TUT7: variants seen among roughly 807,000 people sequenced by gnomAD.
The protein encoded by TUT7 is terminal uridylyl transferase 7.
In TUT7, 33 loss-of-function variants were observed where a neutral mutation model predicts 165.9. The observed-to-expected ratio is 0.20, with a 90% confidence interval of 0.15 to 0.27. The LOEUF is 0.27. Among genes scored for constraint, TUT7 ranks in the 10% least tolerant of loss-of-function variants. The probability of loss-of-function intolerance (pLI) is 1.00; values close to 1 mark genes in which losing one functional copy is unlikely to be tolerated. For synonymous variants in TUT7, 552 were observed against 608.1 expected, an observed-to-expected ratio of 0.91 and a Z score of 1.36; for missense variants, 1,338 against 1,762.3, an observed-to-expected ratio of 0.76 and a Z score of 4.31.
rs1277995232 is a variant in TUT7 at position 86,354,362 on chromosome 9, G to A, written c.-123C>T. ...GAGTCTGGCAGGGACGTTGGGAGAA[G>A]GCGCCCAAGAGCACTCACCACCTTC... On this transcript the variant is annotated 5_prime_UTR_variant, in exon 1 of 27. Transcript: ENST00000375963. The A allele has an allele frequency of 6.5e-6, 1 of 152,856 alleles. No individual in the cohort carries two copies. Among genetic ancestry groups the A allele is most frequent in the Non-Finnish European group, 1.5e-5 (1 of 68,200 alleles). The allele number at this position is 152,856 out of a possible 1,614,324, so 9.5% of individuals were successfully genotyped here.
At chr9:86,291,416 C>G (rs1230169793) in intron 26 of TUT7, among the ~76,000 whole-genome samples, 1 of 151,820 alleles carries the variant, frequency 6.6e-6, no homozygotes, top group Non-Finnish European at 1.5e-5. Flanking sequence ...ACTAAAAATA[C>G]AAAAATTAGC....
chr9:86,342,942 T>C lies in TUT7; in HGVS notation c.1086+133A>G, dbSNP rs142593401. On this transcript the variant is annotated intron_variant, in intron 6 of 26. Coordinates refer to ENST00000375963, the MANE Select transcript of TUT7 (RefSeq NM_024617.4). ...GTATTAAAAAAAAAAGCTCTGAAAC[T>C]GAAGGCAAGCGGATGCTGTCATTAC... 606 of 608,868 alleles carry C rather than the reference T, an allele frequency of 1.0e-3. 2 individuals are homozygous for C. The highest frequency in any genetic ancestry group is 5.3e-3 in the East Asian group (162 of 30,622). 37.7% of individuals were successfully genotyped at this position (608,868 alleles called of 1,614,324 possible). A position where few individuals can be genotyped will look rare whatever the true frequency, so the allele number is the denominator to read the frequency against.
chr9:86,296,508 T>C (rs1383747936), intron 26 of TUT7, among the ~76,000 whole-genome samples: 3 of 152,166 alleles, frequency 2.0e-5, no homozygotes, highest in African/African-American at 7.2e-5. Context: ...GTGATCTCCT[T>C]TGGGAGTAAA....
rs747781651 is a variant in TUT7 at position 86,325,375 on chromosome 9, C to T, written c.1748G>A (p.Arg583Gln). 7 of 1,613,888 alleles carry T rather than the reference C, an allele frequency of 4.3e-6. No homozygotes were observed. Among genetic ancestry groups the T allele is most frequent in the East Asian group, 2.2e-5 (1 of 44,888 alleles). Residue 583 changes from arginine (R) to glutamine (Q), a missense_variant, in exon 12 of 27, where the codon CGG becomes CAG. Arg to Gln is a conservative substitution (Grantham distance 43). This residue lies in a region of TUT7 where 28 missense variants were observed against 69.4 expected (regional missense o/e 0.40). Transcript: ENST00000375963. Reference sequence around the variant, plus strand: ...CTTTTTGGGCCAATCCTTCAATTCCCGAGATACCAATTCTTTGACACGAAT... The same window carrying T: ...CTTTTTGGGCCAATCCTTCAATTCCTGAGATACCAATTCTTTGACACGAAT... ...ISIRVKELVS[R>Q]ELKDWPKKRI...
chr9:86,317,704 T>C (rs1457746471), intron 16 of TUT7, among the ~76,000 whole-genome samples: 3 of 152,218 alleles, frequency 2.0e-5, no homozygotes, highest in Non-Finnish European at 4.4e-5. Flanking sequence ...GATGAATTGC[T>C]GTGGAGAGTG....
chr9:86,325,781 A>T (rs778711666), intron 11 of TUT7, among the ~76,000 whole-genome samples: 8 of 152,216 alleles, frequency 5.3e-5, no homozygotes, highest in Non-Finnish European at 1.2e-4. Context: ...AACCAGACAG[A>T]GCTCCTAATT....
intron 6 of TUT7, among the ~76,000 whole-genome samples, chr9:86,341,409 C>T (rs912621404): frequency 1.6e-4 from 24 of 152,204 alleles, no homozygotes; most frequent in Admixed American, 6.5e-4. Context: ...TTACTGGTCC[C>T]GGAGTCAGTC....
In TUT7 at chr9:86,292,911, A is replaced by C. The variant is rs1007891799; in HGVS notation, c.4421-4167T>G. Among the ~76,000 whole-genome samples the C allele has an allele frequency of 2.0e-5, 3 of 152,348 alleles. No individual in the cohort carries two copies. The East Asian group carries it at 5.8e-4, about 29-fold the overall frequency. ...TAAGTATAGTACTAGTAGTTTTACT[A>C]CTGTAGCATTTAAACATGTAATCTA... On this transcript the variant is annotated intron_variant, in intron 26 of 26. Coordinates refer to ENST00000375963, the MANE Select transcript of TUT7 (RefSeq NM_024617.4).
At chr9:86,309,088 T>G in intron 21 of TUT7, 124 bp downstream of exon 21, 1 of 618,146 alleles carries the variant, frequency 1.6e-6, no homozygotes, top group Non-Finnish European at 2.8e-6. Context: ...AAAACACTAT[T>G]TTTTTTACTA....
chr9:86,322,734 A>C, intron 13 of TUT7, 139 bp downstream of exon 13: 1 of 1,043,856 alleles, frequency 9.6e-7, no homozygotes, highest in Non-Finnish European at 1.3e-6. Flanking sequence ...AAGCAGACCG[A>C]GCAGTCATAT....
At chr9:86,337,060 T>C (rs1383753117) in intron 10 of TUT7, 1 of 173,758 alleles carries the variant, frequency 5.8e-6, no homozygotes, top group Non-Finnish European at 1.2e-5. Context: ...TCTGTCTGTC[T>C]GGAGGTGATA....
intron 6 of TUT7, among the ~76,000 whole-genome samples, chr9:86,342,711 A>G (rs923159488): frequency 4.6e-5 from 7 of 152,244 alleles, no homozygotes; most frequent in Admixed American, 2.0e-4. Flanking sequence ...TCCAGAGACA[A>G]TTAAGCTTGC....
At chr9:86,319,765 C>T (rs1159929553) in intron 14 of TUT7, 95 bp from the exon 15 acceptor site, 1 of 816,698 alleles carries the variant, frequency 1.2e-6, no homozygotes, top group East Asian at 2.7e-5. Flanking sequence ...ATAAAACTTA[C>T]AAGCTTAAAT....
At position 86,353,178 on chromosome 9, in the gene TUT7, A is replaced by G; in HGVS notation, c.22T>C (p.Tyr8His). The G allele has an allele frequency of 6.3e-7, 1 of 1,585,888 alleles. No homozygotes were observed. Among genetic ancestry groups the G allele is most frequent in the South Asian group, 1.2e-5 (1 of 85,914 alleles). ...CGGTCTTTAGTGCGCTTCACGAAATAAGGTTTTGCTGTATCTCCCATGGTC... is the reference window on the plus strand; with the variant it reads ...CGGTCTTTAGTGCGCTTCACGAAATGAGGTTTTGCTGTATCTCCCATGGTC... Reference protein sequence around the residue: MGDTAKPYFVKRTKDRGT... With the variant: MGDTAKPHFVKRTKDRGT... Residue 8 changes from tyrosine (Y) to histidine (H), a missense_variant, in exon 2 of 27, where the codon TAT becomes CAT. Tyr to His is a moderately conservative substitution (Grantham distance 83). Around this residue, in one of 7 missense-constraint regions of TUT7, gnomAD observed 434 missense variants for 480.8 expected, o/e 0.90. Coordinates refer to ENST00000375963, the MANE Select transcript of TUT7 (RefSeq NM_024617.4).
At chr9:86,313,162 AAAT>A (rs1828380767) in intron 17 of TUT7, among the ~76,000 whole-genome samples, 2 of 151,404 alleles carry the variant, frequency 1.3e-5, no homozygotes, top group African/African-American at 4.8e-5. Flanking sequence ...ATAAATAAAT[AAAT>A]AAAAAGAATT....
At chr9:86,335,021 A>G (rs2131528151) in intron 10 of TUT7, among the ~76,000 whole-genome samples, 1 of 152,222 alleles carries the variant, frequency 6.6e-6, no homozygotes, top group Middle Eastern at 3.4e-3. Flanking sequence ...TATAGTTGTT[A>G]TTTGCAGAAG....
intron 2 of TUT7, among the ~76,000 whole-genome samples, chr9:86,348,936 T>TCCG (rs1191089596): frequency 4.5e-4 from 69 of 152,036 alleles, no homozygotes; most frequent in Admixed American, 4.5e-3. Flanking sequence ...TGGTAAAAAC[T>TCCG]GTCAAAATCT....
intron 11 of TUT7, chr9:86,326,405 T>C: frequency 6.5e-6 from 1 of 155,004 alleles, no homozygotes; most frequent in Non-Finnish European, 1.5e-5. Context: ...AGTGAGATAG[T>C]GTCTGTAAAG....
intron 2 of TUT7, chr9:86,352,425 A>G (rs1416495025): frequency 1.8e-6 from 1 of 558,456 alleles, no homozygotes; most frequent in Non-Finnish European, 3.2e-6. Flanking sequence ...ACGTTACAGA[A>G]AACATGTTTA....
Sources: gnomAD v4.1 joint callset for allele counts (sites outside exome capture counted in the v4.1 genomes callset) on GRCh38, gnomAD v4.1.1 for gene constraint, gnomAD v4.1.1 regional missense constraint, MANE v1.5 for transcripts, NCBI Gene and HGNC (gene_info 2026-07-23, HGNC 2026-07-21) for gene names.